Variants in FLI1 observed in about 807,000 individuals in gnomAD.
FLI1 encodes Friend leukemia integration 1 transcription factor.
Under a neutral mutation model 53.1 loss-of-function variants are expected in FLI1, and 13 were observed. The ratio of observed to expected loss-of-function variants is 0.24; its 90% confidence interval spans 0.16 to 0.39. FLI1 has a LOEUF of 0.39. Ranked by LOEUF, FLI1 falls within the 10% of genes least tolerant of loss-of-function variation. The pLI, the probability that FLI1 is intolerant of heterozygous loss-of-function variation, is 1.00. For synonymous variants in FLI1, 244 were observed against 236.7 expected (o/e 1.03, Z -0.28); for missense variants, 424 against 600.5 (o/e 0.71, Z 3.07).
chr11:128,719,946 C>T (rs1197754229), intron 1 of FLI1, among the ~76,000 whole-genome samples: 2 of 152,142 alleles, frequency 1.3e-5, no homozygotes, highest in African/African-American at 2.4e-5. Context: ...AAACTCATTA[C>T]GTGCATCGTT....
chr11:128,725,584 C>T (rs1939437939), intron 1 of FLI1, among the ~76,000 whole-genome samples: 1 of 152,024 alleles, frequency 6.6e-6, no homozygotes. Flanking sequence ...AAGGAAGGAC[C>T]TTTGGAATGT....
intron 1 of FLI1, among the ~76,000 whole-genome samples, chr11:128,732,991 G>A (rs1220773595): frequency 6.6e-6 from 1 of 152,186 alleles, no homozygotes; most frequent in Non-Finnish European, 1.5e-5. Flanking sequence ...GATGCTCAAA[G>A]CTGCTTTCTC....
chr11:128,723,154 C>A (rs1939326716), intron 1 of FLI1, among the ~76,000 whole-genome samples: 1 of 152,206 alleles, frequency 6.6e-6, no homozygotes, highest in South Asian at 2.1e-4. Flanking sequence ...ACCTCCTATA[C>A]CATCACATTG....
At chr11:128,758,037 T>TAAAGA in intron 1 of FLI1, 78 bp from the exon 2 acceptor site, 1 of 1,335,664 alleles carries the variant, frequency 7.5e-7, no homozygotes, top group Non-Finnish European at 1.0e-6. Context: ...TGGGCCACCT[T>TAAAGA]GCCAGCTCAA....
At chr11:128,748,670 G>A (rs642675) in intron 1 of FLI1, among the ~76,000 whole-genome samples, 34 of 152,082 alleles carry the variant, frequency 2.2e-4, no homozygotes, top group South Asian at 6.2e-4. Context: ...AAAGTCAGCC[G>A]GACACTCTGA....
intron 1 of FLI1, among the ~76,000 whole-genome samples, chr11:128,695,274 G>T (rs1453546038): frequency 6.6e-6 from 1 of 152,248 alleles, no homozygotes; most frequent in African/African-American, 2.4e-5. Context: ...GAAAGGGTTC[G>T]CCAAGTAGGG....
At chr11:128,701,914 T>C (rs573840476) in intron 1 of FLI1, among the ~76,000 whole-genome samples, 1 of 152,314 alleles carries the variant, frequency 6.6e-6, no homozygotes, top group East Asian at 1.9e-4. Context: ...GCAGAATTGT[T>C]AGGTCTGAAT....
chr11:128,783,002 C>T (rs1019563974), intron 5 of FLI1, among the ~76,000 whole-genome samples: 1 of 152,124 alleles, frequency 6.6e-6, no homozygotes, highest in Non-Finnish European at 1.5e-5. Context: ...AATATTTGCG[C>T]GGCATAGCAA....
intron 1 of FLI1, among the ~76,000 whole-genome samples, chr11:128,757,046 TTCTTTCTTTCTTTC>T (rs1940899535): frequency 2.1e-5 from 1 of 47,552 alleles, no homozygotes; most frequent in East Asian, 7.9e-4. Flanking sequence ...AGCTAATTTT[TTCTTTCTTTCTTTC>T]TTTCTTTCTT....
intron 1 of FLI1, among the ~76,000 whole-genome samples, chr11:128,696,497 A>G (rs552256702): frequency 2.0e-5 from 3 of 152,332 alleles, no homozygotes; most frequent in Non-Finnish European, 4.4e-5. Flanking sequence ...TGAACCGTCC[A>G]TTAAGCCTGT....
intron 1 of FLI1, among the ~76,000 whole-genome samples, chr11:128,721,944 G>T (rs1385081338): frequency 6.6e-6 from 1 of 152,176 alleles, no homozygotes; most frequent in Non-Finnish European, 1.5e-5. Flanking sequence ...CCACTAAGTG[G>T]CTAGAGTCAG....
chr11:128,714,405 G>A (rs952469235), intron 1 of FLI1, among the ~76,000 whole-genome samples: 17 of 152,074 alleles, frequency 1.1e-4, no homozygotes, highest in Non-Finnish European at 1.8e-4. Context: ...TAAAGATGGT[G>A]GTAAAAGCAT....
chr11:128,807,104 G>A, intron 6 of FLI1, 76 bp from the exon 7 acceptor site: 1 of 796,748 alleles, frequency 1.3e-6, no homozygotes, highest in East Asian at 2.9e-5. Context: ...GAGTGAGAAA[G>A]CACATCTGTC....
At chr11:128,751,783 C>T (rs1476357588) in intron 1 of FLI1, among the ~76,000 whole-genome samples, 1 of 151,320 alleles carries the variant, frequency 6.6e-6, no homozygotes, top group Admixed American at 6.6e-5. Flanking sequence ...CCACCTCAGC[C>T]TCCCAAAGTG....
At chr11:128,707,224 G>GAAGAAA (rs1339912323) in intron 1 of FLI1, among the ~76,000 whole-genome samples, 2 of 152,144 alleles carry the variant, frequency 1.3e-5, no homozygotes, top group Non-Finnish European at 2.9e-5. Flanking sequence ...CAGGAATCCT[G>GAAGAAA]AAGAAAAGAT....
intron 1 of FLI1, among the ~76,000 whole-genome samples, chr11:128,723,019 C>T (rs1304791176): frequency 6.6e-6 from 1 of 152,176 alleles, no homozygotes; most frequent in Non-Finnish European, 1.5e-5. Flanking sequence ...TGAGGGCTGT[C>T]TTCCTCACTG....
intron 1 of FLI1, among the ~76,000 whole-genome samples, chr11:128,747,284 C>T (rs1439152746): frequency 2.6e-5 from 4 of 152,232 alleles, no homozygotes; most frequent in Non-Finnish European, 5.9e-5. Flanking sequence ...ACCTGTGTGG[C>T]TGTGCTGCAG....
At chr11:128,740,104 G>A (rs1940071609) in intron 1 of FLI1, among the ~76,000 whole-genome samples, 1 of 152,164 alleles carries the variant, frequency 6.6e-6, no homozygotes, top group South Asian at 2.1e-4. Context: ...AGCGCAGAAA[G>A]CAATCTCCCA....
At chr11:128,751,135 G>T (rs1459107147) in intron 1 of FLI1, among the ~76,000 whole-genome samples, 2 of 152,176 alleles carry the variant, frequency 1.3e-5, no homozygotes, top group African/African-American at 4.8e-5. Flanking sequence ...ACGCAGATTA[G>T]TGAAATCGGC....
Sources: allele counts gnomAD v4.1 joint callset (sites outside exome capture counted in the v4.1 genomes callset), GRCh38; gene constraint gnomAD v4.1.1; transcripts MANE v1.5; gene names NCBI Gene and HGNC (gene_info 2026-07-23, HGNC 2026-07-21).